SYNDIG1L: variants seen among roughly 807,000 people sequenced by gnomAD.
SYNDIG1L encodes synapse differentiation-inducing gene protein 1-like.
SYNDIG1L carries 13 observed loss-of-function variants against 20.1 expected under a neutral mutation model. That is an observed-to-expected ratio of 0.65 (90% CI 0.42 to 1.03). The LOEUF is 1.03. Among genes scored for constraint, SYNDIG1L ranks in the 50% least tolerant of loss-of-function variants. The pLI is 0.00. For missense variants in SYNDIG1L, 294 were observed against 305.1 expected (o/e 0.96, Z 0.27); for synonymous variants, 128 against 129.3 (o/e 0.99, Z 0.07).
chr14:74,432,140 G>T, the SYNDIG1L span, among the ~76,000 whole-genome samples: 3 of 121,088 alleles, frequency 2.5e-5, no homozygotes, highest in Admixed American at 8.5e-5. Flanking sequence ...TGCCTTGGAA[G>T]GTGTGTGTGT....
At chr14:74,423,714 ACG>A (rs972466141) in intron 1 of SYNDIG1L, among the ~76,000 whole-genome samples, 121 of 144,948 alleles carry the variant, frequency 8.3e-4, no homozygotes, top group Admixed American at 7.5e-4. Flanking sequence ...ACACACACAC[ACG>A]TAACACAAAT....
At chr14:74,454,538 C>T in the SYNDIG1L span, among the ~76,000 whole-genome samples, 1 of 152,170 alleles carries the variant, frequency 6.6e-6, no homozygotes, top group Non-Finnish European at 1.5e-5. Flanking sequence ...TCCTTTTATT[C>T]ATTATAGGCA....
chr14:74,433,271 C>G, the SYNDIG1L span, among the ~76,000 whole-genome samples: 2 of 152,152 alleles, frequency 1.3e-5, no homozygotes, highest in African/African-American at 4.8e-5. Context: ...TACCCTGTAT[C>G]AAGGGACAGA....
the SYNDIG1L span, among the ~76,000 whole-genome samples, chr14:74,440,819 T>C: frequency 2.3e-3 from 351 of 152,328 alleles, 1 homozygote; most frequent in African/African-American, 7.8e-3. Context: ...CATTTCTAAT[T>C]ACTAGGCTTT....
chr14:74,467,948 A>G, the SYNDIG1L span, among the ~76,000 whole-genome samples: 2 of 151,482 alleles, frequency 1.3e-5, no homozygotes, highest in African/African-American at 4.9e-5. Context: ...TGAGGTCCCA[A>G]GGTCCGGGGG....
At chr14:74,426,726 TC>T (rs2086269922), upstream of SYNDIG1L, among the ~76,000 whole-genome samples, 1 of 10,852 alleles carries the variant, frequency 9.2e-5, no homozygotes, top group East Asian at 0.011. Flanking sequence ...CCTGCCCCCC[TC>T]CCCCTGTCCC....
chr14:74,459,202 C>G, the SYNDIG1L span, among the ~76,000 whole-genome samples: 1 of 152,036 alleles, frequency 6.6e-6, no homozygotes, highest in African/African-American at 2.4e-5. Context: ...GCCTCAAAAA[C>G]CAGCAGGAGA....
rs757662204 is a variant in SYNDIG1L, at chr14:74,407,931, C to T, written c.476G>A (p.Arg159Lys). The change falls in exon 3 of 4, where the codon AGG (arginine) becomes AAG (lysine). Residue 159 changes from arginine (R) to lysine (K), a missense_variant. Physicochemically the swap from Arg to Lys is conservative, Grantham distance 26. Transcript: ENST00000331628. Reference protein sequence around the residue: ...SEDNFLTLPPRDHLGLTLFSM... With the variant: ...SEDNFLTLPPKDHLGLTLFSM... ...GAAGAGAGTAAGTCCCAGGTGGTCC[C>T]TGGGAGGCAGCGTGAGGAAGTTGTC... 9.9e-6 allele frequency: 16 copies of T among 1,613,886 alleles called. No individual in the cohort carries two copies. In the Admixed American group the frequency reaches 2.7e-4, roughly 27 times the overall value.
chr14:74,420,059 G>C (rs902722901), intron 1 of SYNDIG1L, among the ~76,000 whole-genome samples: 24 of 152,230 alleles, frequency 1.6e-4, no homozygotes, highest in African/African-American at 5.8e-4. Context: ...TTTAAGGTGG[G>C]TGAGAATGGA....
Position 74,409,459 on chromosome 14 carries a change from C to T in SYNDIG1L, c.286G>A (p.Glu96Lys), listed in dbSNP as rs1477045206. Residue 96 changes from glutamate (E) to lysine (K), a missense_variant, in exon 2 of 4, where the codon GAG becomes AAG. Coordinates refer to ENST00000331628, the MANE Select transcript of SYNDIG1L (RefSeq NM_001105579.2). The stretch of plus-strand genomic sequence containing the variant: ...TGCTCTGGAGGCCCCTCCTGGGGCT[C>T]CCTGTCCTCTGTGAAGCTTGTCTCA... ...SCETSFTEDREPQEGPPEQPT... is the reference protein window; with the variant it reads ...SCETSFTEDRKPQEGPPEQPT... 1 of 1,613,664 alleles carries T rather than the reference C, an allele frequency of 6.2e-7. No homozygotes were observed. The highest frequency in any genetic ancestry group is 1.1e-5 in the South Asian group (1 of 91,072).
At position 74,409,152 on chromosome 14, in the gene SYNDIG1L, C is replaced by T. The variant is rs140482960; in HGVS notation, c.417+176G>A. 1.8e-3 allele frequency among the ~76,000 whole-genome samples: 275 copies of T among 151,948 alleles called. 1 individual carries two copies. The highest frequency in any genetic ancestry group is 6.2e-3 in the African/African-American group (258 of 41,418). ...GGAGTGCAGTGGTGCAATCATAGCT[C>T]ACTGCAGCCTCAACCTCCTGGGCTC... On this transcript the variant is annotated intron_variant, in intron 2 of 3. Coordinates refer to ENST00000331628, the MANE Select transcript of SYNDIG1L (RefSeq NM_001105579.2).
chr14:74,468,885 C>T, the SYNDIG1L span, among the ~76,000 whole-genome samples: 2 of 152,198 alleles, frequency 1.3e-5, no homozygotes, highest in East Asian at 1.9e-4. Flanking sequence ...TGTCTATCTC[C>T]TCCCCTCCAG....
At chr14:74,465,379 G>A in the SYNDIG1L span, among the ~76,000 whole-genome samples, 1 of 152,176 alleles carries the variant, frequency 6.6e-6, no homozygotes, top group Non-Finnish European at 1.5e-5. Context: ...AGCTCAAGCC[G>A]GCTCATCCTA....
intron 1 of SYNDIG1L, among the ~76,000 whole-genome samples, chr14:74,422,410 G>T (rs921385182): frequency 1.3e-5 from 2 of 152,154 alleles, no homozygotes; most frequent in Non-Finnish European, 2.9e-5. Flanking sequence ...GTTGGAAAAT[G>T]CAGGTTTAGA....
intron 1 of SYNDIG1L, among the ~76,000 whole-genome samples, chr14:74,411,892 G>A (rs747057771): frequency 6.6e-6 from 1 of 152,188 alleles, no homozygotes; most frequent in Admixed American, 6.5e-5. Flanking sequence ...TGGCCCAAGC[G>A]CCAGCTCCTC....
At chr14:74,421,740 T>C (rs2086223168) in intron 1 of SYNDIG1L, among the ~76,000 whole-genome samples, 1 of 152,108 alleles carries the variant, frequency 6.6e-6, no homozygotes, top group African/African-American at 2.4e-5. Flanking sequence ...GAAGGACCTT[T>C]GGAGAGAGAG....
chr14:74,443,362 G>A, the SYNDIG1L span, among the ~76,000 whole-genome samples: 2 of 152,184 alleles, frequency 1.3e-5, no homozygotes, highest in African/African-American at 4.8e-5. Context: ...TGCTCAGTGC[G>A]TTTAACAACA....
the SYNDIG1L span, among the ~76,000 whole-genome samples, chr14:74,455,449 G>A: frequency 2.7e-5 from 4 of 146,478 alleles, no homozygotes; most frequent in Non-Finnish European, 5.9e-5. Flanking sequence ...AGGCTGGAGT[G>A]CAGTGGTGCG....
At chr14:74,410,265 G>C (rs2139620990) in intron 1 of SYNDIG1L, among the ~76,000 whole-genome samples, 1 of 152,324 alleles carries the variant, frequency 6.6e-6, no homozygotes, top group Admixed American at 6.5e-5. Flanking sequence ...AGAGACCCAG[G>C]GAAGGCCTTA....
Sources: allele counts gnomAD v4.1 joint callset (sites outside exome capture counted in the v4.1 genomes callset), GRCh38; gene constraint gnomAD v4.1.1; transcripts MANE v1.5; gene names NCBI Gene and HGNC (gene_info 2026-07-23, HGNC 2026-07-21).